Variants in TARS1 observed in about 807,000 individuals in gnomAD.
TARS1 encodes the protein threonyl-tRNA synthetase 1.
Under a neutral mutation model 97.7 loss-of-function variants are expected in TARS1, and 57 were observed. The observed-to-expected ratio is 0.58, with a 90% CI of 0.47 to 0.73. TARS1 has a LOEUF of 0.73. TARS1 is among the 30% of genes least tolerant of loss of function. TARS1 has a pLI of 0.00. For synonymous variants in TARS1, 312 were observed against 293.7 expected (o/e 1.06, Z -0.64); for missense variants, 806 against 888.3 (o/e 0.91, Z 1.18).
chr5:33,466,752 C>A, intron 17 of TARS1, 119 bp from the exon 18 acceptor site: 2 of 596,086 alleles, frequency 3.4e-6, no homozygotes, highest in Non-Finnish European at 5.5e-6. Context: ...GTTTTGCCAG[C>A]TTTAAATTCC....
At position 33,455,588 on chromosome 5, in the gene TARS1, G is replaced by A; in HGVS notation, c.577G>A (p.Gly193Ser). The A allele has an allele frequency of 6.3e-7, 1 of 1,592,626 alleles. No individual in the cohort carries two copies. Among genetic ancestry groups the A allele is most frequent in the Non-Finnish European group, 8.6e-7 (1 of 1,164,434 alleles). The change falls in exon 6 of 19, where the codon GGT becomes AGT. Residue 193 changes from glycine (G) to serine (S), a missense_variant and splice_region_variant. Physicochemically the swap from Gly to Ser is moderately conservative, Grantham distance 56 (BLOSUM62 0). Transcript: ENST00000265112. ...FYYDMYLEEG[G>S]VSSNDFSSLE... ...AGATTATACTTTCTTCTCCTTCAGGGGTGTGTCTAGCAATGATTTCTCTTC... is the reference window on the plus strand; with the variant it reads ...AGATTATACTTTCTTCTCCTTCAGGAGTGTGTCTAGCAATGATTTCTCTTC...
At position 33,448,650 on chromosome 5, in the gene TARS1, T is replaced by G; in HGVS notation, c.248T>G (p.Ile83Ser). 6.2e-7 allele frequency: 1 copy of G among 1,613,924 alleles called. No individual in the cohort carries two copies. The highest frequency in any genetic ancestry group is 1.1e-5 in the South Asian group (1 of 91,072). ...AEKAEKDSKP[I>S]KVTLPDGKQV... ...AAGGCAGAAAAAGATAGCAAGCCAA[T>G]TAAAGTCACTTTGCCTGATGGTAAA... Residue 83 changes from isoleucine to serine, a missense_variant, in exon 3 of 19, where the codon ATT (isoleucine) becomes AGT (serine). Physicochemically the swap from Ile to Ser is moderately radical, Grantham distance 142. Coordinates refer to ENST00000265112, the MANE Select transcript of TARS1 (RefSeq NM_152295.5).
chr5:33,458,496 A>C (rs2111564309), intron 9 of TARS1, 70 bp from the exon 10 acceptor site: 1 of 1,357,472 alleles, frequency 7.4e-7, no homozygotes, highest in Non-Finnish European at 1.0e-6. Flanking sequence ...AAGAACACTG[A>C]AATTTATGTA....
chr5:33,447,711 A>C (rs781614795), intron 2 of TARS1, among the ~76,000 whole-genome samples: 26 of 152,238 alleles, frequency 1.7e-4, no homozygotes, highest in Non-Finnish European at 3.2e-4. Flanking sequence ...ATAGATTGAA[A>C]TTCATTTGAA....
At chr5:33,440,824 C>A (rs958834570), upstream of TARS1, 8 of 550,896 alleles carry the variant, frequency 1.5e-5, no homozygotes, top group African/African-American at 1.5e-4. Flanking sequence ...CCTCCTCACC[C>A]TCCGCGACCT....
intron 1 of TARS1, chr5:33,441,448 A>T (rs992203819): frequency 1.9e-4 from 65 of 333,362 alleles, no homozygotes; most frequent in Non-Finnish European, 3.3e-4. Flanking sequence ...AGACAGAATC[A>T]GAATCTTAGG....
upstream of TARS1, chr5:33,440,958 G>A (rs574934453): frequency 3.0e-4 from 332 of 1,091,594 alleles, no homozygotes; most frequent in African/African-American, 4.5e-3. Context: ...GGGTTAGGGC[G>A]CCTTTCGATT....
intron 3 of TARS1, among the ~76,000 whole-genome samples, chr5:33,451,723 A>G (rs535239505): frequency 1.0e-3 from 152 of 152,086 alleles, no homozygotes; most frequent in African/African-American, 3.4e-3. Flanking sequence ...AAAAATTGAA[A>G]TGATCCAGTA....
At position 33,456,211 on chromosome 5, in the gene TARS1, C is replaced by A. The variant is rs938230601; in HGVS notation, c.821C>A (p.Ala274Asp). 6.8e-6 allele frequency: 11 copies of A among 1,613,162 alleles called. No individual in the cohort carries two copies. Among genetic ancestry groups the A allele is most frequent in the Admixed American group, 1.7e-5 (1 of 59,972 alleles). Residue 274 changes from alanine to aspartate, a missense_variant, in exon 8 of 19, where the codon GCT becomes GAT. By Grantham distance (126) the Ala-to-Asp change is moderately radical (BLOSUM62 -2). Around this residue, in one of 3 missense-constraint regions of TARS1, gnomAD observed 356 missense variants for 357.8 expected, o/e 0.99. Transcript: ENST00000265112. ...GTTAGACACACGGGCAAAATTAAGG[C>A]TTTAAAAATACACAAAGTAAGTAAT... ...PHVRHTGKIKALKIHKNSSTY... is the reference protein window; with the variant it reads ...PHVRHTGKIKDLKIHKNSSTY...
At position 33,461,108 on chromosome 5, in the gene TARS1, A is replaced by G. The variant is rs775397256; in HGVS notation, c.1413+44A>G. ...AAAATACTTAGAAAGAAGAGTCAAG[A>G]AAGTCAAGGAAAATAACTACTGTTT... is the stretch of plus-strand genomic sequence containing the variant. On this transcript the variant is annotated intron_variant, in intron 12 of 18. Coordinates refer to ENST00000265112, the MANE Select transcript of TARS1 (RefSeq NM_152295.5). The G allele has an allele frequency of 3.7e-6, 6 of 1,605,640 alleles. No individual in the cohort carries two copies. In the Admixed American group the frequency reaches 5.1e-5, roughly 14 times the overall value.
rs1237365541 is a variant in TARS1, at chr5:33,463,911, C to T, written c.1908+86C>T. The T allele has an allele frequency of 1.1e-5, 13 of 1,167,716 alleles. No homozygotes were observed. In the Middle Eastern group the frequency reaches 7.8e-4, roughly 70 times the overall value. 72.3% of individuals were successfully genotyped at this position (1,167,716 alleles called of 1,614,324 possible). On this transcript the variant is annotated intron_variant, in intron 17 of 18. Coordinates refer to ENST00000265112, the MANE Select transcript of TARS1 (RefSeq NM_152295.5). The stretch of plus-strand genomic sequence containing the variant: ...CATAAGCCCTGTATTCTTGGTGAAT[C>T]GAGCTGTTGTGATAAAGAGAAATGT...
intron 3 of TARS1, among the ~76,000 whole-genome samples, chr5:33,449,444 T>C (rs1159438230): frequency 1.4e-5 from 2 of 138,990 alleles, no homozygotes; most frequent in Admixed American, 7.2e-5. Context: ...TTTTTTTCTT[T>C]CTTTTTTTTT....
At position 33,457,316 on chromosome 5, in the gene TARS1, C is replaced by T. The variant is rs781730314; in HGVS notation, c.897C>T (p.Gly299=). 90 of 1,613,972 alleles carry T rather than the reference C, an allele frequency of 5.6e-5. No individual in the cohort carries two copies. The highest frequency in any genetic ancestry group is 7.3e-5 in the Non-Finnish European group (86 of 1,179,994). Residue 299 remains glycine, a synonymous_variant, in exon 9 of 19, where the codon GGC becomes GGT. Transcript: ENST00000265112. ...ADMETLQRIY[G]ISFPDPKMLK... ...TGGAGACTCTCCAGAGAATTTATGG[C>T]ATTTCATTCCCAGATCCTAAAATGT...
chr5:33,461,747 G>A lies in TARS1; in HGVS notation c.1629+3G>A, dbSNP rs749127468. 1 of 1,611,968 alleles carries A rather than the reference G, an allele frequency of 6.2e-7. No homozygotes were observed. The highest frequency in any genetic ancestry group is 1.7e-5 in the Admixed American group (1 of 59,868). Reference sequence around the variant, plus strand: ...ATGGAGCTTTCTATGGCCCAAAGGTGAGCACTAAAGTACATTTGGGTAATA... The same window carrying A: ...ATGGAGCTTTCTATGGCCCAAAGGTAAGCACTAAAGTACATTTGGGTAATA... On this transcript the variant is annotated splice_donor_region_variant and intron_variant, in intron 14 of 18. Transcript: ENST00000265112.
At position 33,441,163 on chromosome 5, in the gene TARS1, C is replaced by T. The variant is rs564621744; in HGVS notation, c.57+20C>T. On this transcript the variant is annotated intron_variant, in intron 1 of 18. Transcript: ENST00000265112. ...AAGCCGGTGAGCAAACTTGGTGGGACCCAGAGACCAGCCTGGGACTCTAGT... is the reference window on the plus strand; with the variant it reads ...AAGCCGGTGAGCAAACTTGGTGGGATCCAGAGACCAGCCTGGGACTCTAGT... 1.1e-5 allele frequency: 18 copies of T among 1,614,024 alleles called. No individual in the cohort carries two copies. In the South Asian group the frequency reaches 1.5e-4, roughly 14 times the overall value.
chr5:33,459,365 T>C (rs1029744921), intron 10 of TARS1, among the ~76,000 whole-genome samples: 2 of 152,258 alleles, frequency 1.3e-5, no homozygotes, highest in Non-Finnish European at 2.9e-5. Flanking sequence ...GATTTATTTT[T>C]AGAGACATGC....
At chr5:33,459,617 T>C in intron 10 of TARS1, 78 bp from the exon 11 acceptor site, 1 of 1,510,876 alleles carries the variant, frequency 6.6e-7, no homozygotes, top group Non-Finnish European at 9.1e-7. Flanking sequence ...GAGTATAAAA[T>C]CACTCTTTAA....
chr5:33,463,579 G>A (rs1034098112), intron 16 of TARS1, among the ~76,000 whole-genome samples, 174 bp from the exon 17 acceptor site: 4 of 152,018 alleles, frequency 2.6e-5, no homozygotes, highest in Non-Finnish European at 5.9e-5. Context: ...GCATCTCCTC[G>A]CCTTAATCTT....
At chr5:33,459,930 C>A (rs1742212280) in intron 11 of TARS1, 69 bp downstream of exon 11, 1 of 1,517,422 alleles carries the variant, frequency 6.6e-7, no homozygotes, top group African/African-American at 1.4e-5. Context: ...TTCTTCCCTC[C>A]TTTAACAACA....
Sources: allele counts gnomAD v4.1 joint callset (sites outside exome capture counted in the v4.1 genomes callset), GRCh38; gene constraint gnomAD v4.1.1; regional missense constraint gnomAD v4.1.1; transcripts MANE v1.5; gene names NCBI Gene and HGNC (gene_info 2026-07-23, HGNC 2026-07-21).